CUX1: variants seen among roughly 807,000 people sequenced by gnomAD.
CUX1 encodes the protein cut like homeobox 1.
A neutral mutation model predicts 158.8 loss-of-function variants in CUX1; 31 were observed. The observed-to-expected ratio is 0.20, with a 90% CI of 0.15 to 0.26. The LOEUF is 0.26. Among genes scored for constraint, CUX1 ranks in the 10% least tolerant of loss-of-function variants. CUX1 has a pLI of 1.00. For missense variants in CUX1, 1,589 were observed against 2,014.6 expected, an observed-to-expected ratio of 0.79 and a Z score of 4.04; for synonymous variants, 879 against 862.1, an observed-to-expected ratio of 1.02 and a Z score of -0.34.
intron 22 of CUX1, among the ~76,000 whole-genome samples, chr7:102,239,074 A>T (rs1554533847): frequency 6.6e-6 from 1 of 152,054 alleles, no homozygotes; most frequent in East Asian, 1.9e-4. Context: ...TTTAGTAGAG[A>T]CGGGGTTTCA....
At chr7:102,189,904 G>A (rs782066222) in intron 12 of CUX1, 33 bp downstream of exon 12, 22 of 1,607,870 alleles carry the variant, frequency 1.4e-5, no homozygotes, top group African/African-American at 6.7e-5. Context: ...CCCCTCACAC[G>A]CTGGGGCGCA....
At chr7:101,928,168 A>G (rs1001112951) in intron 2 of CUX1, among the ~76,000 whole-genome samples, 26 of 152,308 alleles carry the variant, frequency 1.7e-4, no homozygotes, top group African/African-American at 4.6e-4. Flanking sequence ...GCTGCGTTCT[A>G]TCACGTCTAA....
In CUX1 at chr7:102,196,691, C is replaced by T. The variant is rs1794828174; in HGVS notation, c.1280C>T (p.Pro427Leu). 17 of 1,602,976 alleles carry T rather than the reference C, an allele frequency of 1.1e-5. No individual in the cohort carries two copies. Among genetic ancestry groups the T allele is most frequent in the Admixed American group, 1.7e-5 (1 of 58,346 alleles). ...QPESRRPGSLPAPPPSQLPRN... is the reference protein window; with the variant it reads ...QPESRRPGSLLAPPPSQLPRN... Reference sequence around the variant, plus strand: ...GAAAGTCGGCGCCCGGGATCTTTGCCGGCCCCCCCTCCTTCTCAGTTGCCC... The same window carrying T: ...GAAAGTCGGCGCCCGGGATCTTTGCTGGCCCCCCCTCCTTCTCAGTTGCCC... The change falls in exon 15 of 24, where the codon CCG (proline) becomes CTG (leucine). Residue 427 changes from proline (P) to leucine (L), a missense_variant. Pro to Leu is a moderately conservative substitution (Grantham distance 98). Transcript: ENST00000292535.
chr7:101,979,737 C>A (rs1237466835), intron 2 of CUX1, among the ~76,000 whole-genome samples: 1 of 152,140 alleles, frequency 6.6e-6, no homozygotes, highest in Non-Finnish European at 1.5e-5. Flanking sequence ...GCAACCTCCA[C>A]CTCCTGAGTT....
chr7:102,000,147 C>T (rs183231005), intron 2 of CUX1, among the ~76,000 whole-genome samples: 72 of 151,552 alleles, frequency 4.8e-4, no homozygotes, highest in African/African-American at 1.7e-3. Flanking sequence ...ATCCGGGCGG[C>T]GGAGGTTGTA....
chr7:101,967,871 G>A (rs931761124), intron 2 of CUX1, among the ~76,000 whole-genome samples: 12 of 152,114 alleles, frequency 7.9e-5, no homozygotes, highest in African/African-American at 2.7e-4. Context: ...TTACTTGGGG[G>A]AATCATAATG....
intron 2 of CUX1, among the ~76,000 whole-genome samples, chr7:101,918,112 A>C (rs1804450024): frequency 6.6e-6 from 1 of 152,194 alleles, no homozygotes; most frequent in Non-Finnish European, 1.5e-5. Flanking sequence ...CAGCCAGAGA[A>C]TGAGGTTCCT....
chr7:102,024,871 C>T (rs866344496), intron 2 of CUX1, among the ~76,000 whole-genome samples: 4 of 152,102 alleles, frequency 2.6e-5, no homozygotes, highest in South Asian at 2.1e-4. Context: ...TTGCTGCTGT[C>T]GCAACCTGCC....
intron 20 of CUX1, among the ~76,000 whole-genome samples, chr7:102,207,742 G>A (rs1796101324): frequency 6.6e-6 from 1 of 152,196 alleles, no homozygotes; most frequent in African/African-American, 2.4e-5. Flanking sequence ...GTGAGCCACT[G>A]CACCTGGCCA....
chr7:102,238,410 T>A (rs1799824274), intron 22 of CUX1, among the ~76,000 whole-genome samples: 1 of 152,212 alleles, frequency 6.6e-6, no homozygotes, highest in African/African-American at 2.4e-5. Flanking sequence ...CACTCCTCAC[T>A]GTGTCCCCTC....
In CUX1 at chr7:102,251,639, A is replaced by G; in HGVS notation, c.*2597A>G. 8 of 985,436 alleles carry G rather than the reference A, an allele frequency of 8.1e-6. No individual in the cohort carries two copies. Among genetic ancestry groups the G allele is most frequent in the Non-Finnish European group, 9.6e-6 (8 of 829,932 alleles). 61.0% of individuals were successfully genotyped at this position (985,436 alleles called of 1,614,324 possible). ...TCAACATCTAGCTCGATTCAGGTGCATTGAGAAGAGTGAGTTCACATCGGT... is the reference window on the plus strand; with the variant it reads ...TCAACATCTAGCTCGATTCAGGTGCGTTGAGAAGAGTGAGTTCACATCGGT... On this transcript the variant is annotated 3_prime_UTR_variant, in exon 24 of 24. Coordinates refer to ENST00000292535, the MANE Select transcript of CUX1 (RefSeq NM_181552.4).
intron 6 of CUX1, among the ~76,000 whole-genome samples, chr7:102,106,696 C>G (rs1476062673): frequency 2.0e-5 from 3 of 152,154 alleles, no homozygotes; most frequent in African/African-American, 7.2e-5. Context: ...CAAAACTGTC[C>G]TCAGCTGCTA....
chr7:101,961,955 A>C (rs1158423353), intron 2 of CUX1: 1 of 152,096 alleles, frequency 6.6e-6, no homozygotes, highest in Non-Finnish European at 1.5e-5. Flanking sequence ...CTTAGGAAGT[A>C]TATATACAGT....
At chr7:102,207,507 G>A (rs1291701741) in intron 20 of CUX1, among the ~76,000 whole-genome samples, 1 of 151,788 alleles carries the variant, frequency 6.6e-6, no homozygotes, top group Non-Finnish European at 1.5e-5. Flanking sequence ...CTGGAGTGCA[G>A]TGGCACAATC....
chr7:102,219,340 T>G (rs1797583229), intron 20 of CUX1, among the ~76,000 whole-genome samples: 4 of 152,066 alleles, frequency 2.6e-5, no homozygotes, highest in Admixed American at 2.6e-4. Context: ...CTCTAGTTCC[T>G]CTGAGGCATC....
intron 5 of CUX1, among the ~76,000 whole-genome samples, chr7:102,098,634 G>A (rs1829440619): frequency 7.3e-6 from 1 of 137,178 alleles, no homozygotes; most frequent in African/African-American, 3.0e-5. Context: ...AAAGTTAATT[G>A]GCAAAGACTT....
chr7:101,857,658 C>T (rs1797004984), intron 1 of CUX1, among the ~76,000 whole-genome samples: 1 of 152,186 alleles, frequency 6.6e-6, no homozygotes, highest in Non-Finnish European at 1.5e-5. Context: ...CGGATGACCC[C>T]CTTTGCCAGG....
chr7:102,106,878 C>T (rs1454112128), intron 6 of CUX1, among the ~76,000 whole-genome samples: 1 of 152,200 alleles, frequency 6.6e-6, no homozygotes, highest in Admixed American at 6.5e-5. Context: ...TTGGGGCTCG[C>T]CTGCCCTGCA....
intron 2 of CUX1, among the ~76,000 whole-genome samples, chr7:101,941,739 T>C (rs1807741940): frequency 6.6e-6 from 1 of 152,202 alleles, no homozygotes; most frequent in Non-Finnish European, 1.5e-5. Context: ...TTTATGATAT[T>C]AACTAGTCAA....
Sources: allele counts gnomAD v4.1 joint callset (sites outside exome capture counted in the v4.1 genomes callset), GRCh38; gene constraint gnomAD v4.1.1; transcripts MANE v1.5; gene names NCBI Gene and HGNC (gene_info 2026-07-23, HGNC 2026-07-21).